The following TMEM132B variants were observed in gnomAD, a reference collection of about 807,000 sequenced individuals.
The protein encoded by TMEM132B is transmembrane protein 132B.
TMEM132B carries 18 observed loss-of-function variants against 90.8 expected under a neutral mutation model. The observed-to-expected ratio is 0.20, with a 90% CI of 0.14 to 0.29. The LOEUF is 0.29. Among genes scored for constraint, TMEM132B ranks in the 10% least tolerant of loss-of-function variants. The probability of loss-of-function intolerance (pLI) is 1.00; values close to 1 mark genes in which losing one functional copy is unlikely to be tolerated. For synonymous variants in TMEM132B, 504 were observed against 523.3 expected, an observed-to-expected ratio of 0.96 and a Z score of 0.50; for missense variants, 1,096 against 1,326.8, an observed-to-expected ratio of 0.83 and a Z score of 2.70.
chr12:125,576,901 G>C (rs377029674), intron 4 of TMEM132B, among the ~76,000 whole-genome samples: 3 of 151,096 alleles, frequency 2.0e-5, no homozygotes, highest in Non-Finnish European at 4.4e-5. Flanking sequence ...TGGCAGGGGG[G>C]TGGGGTTGGC....
chr12:125,276,193 A>G lies in TMEM132B; in HGVS notation c.68-73259A>G, dbSNP rs1016403849. Among the ~76,000 whole-genome samples the G allele has an allele frequency of 1.3e-5, 2 of 152,220 alleles. 1 individual carries two copies. Among genetic ancestry groups the G allele is most frequent in the Admixed American group, 1.3e-4 (2 of 15,286 alleles). On this transcript the variant is annotated intron_variant, in intron 1 of 8. Coordinates refer to ENST00000682704, the MANE Select transcript of TMEM132B (RefSeq NM_001366854.1). ...TAGTTTACATCTGTTGGATATTTGA[A>G]TAAAGGATAAGGAAAAACAGACAAA...
intron 4 of TMEM132B, among the ~76,000 whole-genome samples, chr12:125,548,381 G>A (rs1372513993): frequency 6.6e-6 from 1 of 151,806 alleles, no homozygotes; most frequent in Non-Finnish European, 1.5e-5. Context: ...CTATAGTGAT[G>A]ACCACAACTC....
intron 2 of TMEM132B, among the ~76,000 whole-genome samples, chr12:125,389,833 A>G (rs1022032126): frequency 6.6e-6 from 1 of 152,206 alleles, no homozygotes; most frequent in South Asian, 2.1e-4. Context: ...TCATAGCCCT[A>G]TGGTACCTTG....
intron 1 of TMEM132B, among the ~76,000 whole-genome samples, chr12:125,294,020 T>C (rs10846863): frequency 0.31 from 46,636 of 152,144 alleles, 7,478 homozygotes; most frequent in East Asian, 0.54. Flanking sequence ...AACCCAGCCT[T>C]GCAGCCAGCA....
chr12:125,598,159 A>T (rs982601404), intron 5 of TMEM132B, among the ~76,000 whole-genome samples: 1 of 152,228 alleles, frequency 6.6e-6, no homozygotes, highest in Non-Finnish European at 1.5e-5. Flanking sequence ...ATAGCACTGC[A>T]TAAACAAACT....
chr12:125,227,712 CCTTGCCATT>C (rs1421006267), intron 1 of TMEM132B, among the ~76,000 whole-genome samples: 2 of 152,176 alleles, frequency 1.3e-5, no homozygotes. Flanking sequence ...GCCCTCACCC[CCTTGCCATT>C]CTTGTGCAGG....
At chr12:125,299,773 T>A (rs1331277602) in intron 1 of TMEM132B, among the ~76,000 whole-genome samples, 2 of 152,194 alleles carry the variant, frequency 1.3e-5, no homozygotes, top group Non-Finnish European at 2.9e-5. Context: ...ATGCCCAGAA[T>A]CTGTACTCTT....
chr12:125,279,934 T>C (rs1875112158), intron 1 of TMEM132B, among the ~76,000 whole-genome samples: 1 of 152,254 alleles, frequency 6.6e-6, no homozygotes, highest in Non-Finnish European at 1.5e-5. Context: ...TGCCAGGTGC[T>C]GTTTTAACAC....
At chr12:125,393,324 G>A (rs138803952) in intron 2 of TMEM132B, among the ~76,000 whole-genome samples, 58 of 152,264 alleles carry the variant, frequency 3.8e-4, no homozygotes, top group African/African-American at 1.4e-3. Context: ...CTACTGTTAT[G>A]GGTCTTAACT....
chr12:125,314,103 C>T (rs1876193643), intron 1 of TMEM132B, among the ~76,000 whole-genome samples: 1 of 152,106 alleles, frequency 6.6e-6, no homozygotes, highest in Non-Finnish European at 1.5e-5. Context: ...TCATGTATAC[C>T]TGTGTGCAGA....
At chr12:125,390,195 A>C (rs1878968312) in intron 2 of TMEM132B, among the ~76,000 whole-genome samples, 1 of 152,266 alleles carries the variant, frequency 6.6e-6, no homozygotes, top group South Asian at 2.1e-4. Context: ...AAGAATGCTT[A>C]TAGTGGCATT....
At chr12:125,471,138 C>G (rs963488697) in intron 3 of TMEM132B, among the ~76,000 whole-genome samples, 1 of 152,218 alleles carries the variant, frequency 6.6e-6, no homozygotes, top group Non-Finnish European at 1.5e-5. Context: ...TCAATCATTC[C>G]AGCCTGTCTG....
At position 125,576,577 on chromosome 12, in the gene TMEM132B, C is replaced by T. The variant is rs149945306; in HGVS notation, c.1294-7274C>T. Among the ~76,000 whole-genome samples, 60 of 151,094 alleles carry T rather than the reference C, an allele frequency of 4.0e-4. No homozygotes were observed. In the East Asian group the frequency reaches 0.01, roughly 25 times the overall value. On this transcript the variant is annotated intron_variant, in intron 4 of 8. Coordinates refer to ENST00000682704, the MANE Select transcript of TMEM132B (RefSeq NM_001366854.1). ...CTTAAGAAAGCTTACAGTCTTTTAC[C>T]ACTGTGATATTAGCTGTATGTTCTC...
intron 5 of TMEM132B, among the ~76,000 whole-genome samples, chr12:125,594,616 A>G (rs1434421819): frequency 2.0e-5 from 3 of 152,186 alleles, no homozygotes; most frequent in Admixed American, 6.5e-5. Context: ...TTTAATTTGC[A>G]TATCCCTAGC....
intron 4 of TMEM132B, among the ~76,000 whole-genome samples, chr12:125,581,657 G>A (rs1158793919): frequency 6.6e-6 from 1 of 151,836 alleles, no homozygotes. Flanking sequence ...AAGGAAGAGG[G>A]ATGCTCATTA....
intron 4 of TMEM132B, among the ~76,000 whole-genome samples, chr12:125,556,640 G>T (rs1425321408): frequency 1.3e-5 from 2 of 152,188 alleles, no homozygotes; most frequent in Non-Finnish European, 2.9e-5. Context: ...GATATCTGGA[G>T]GTTGTTTCAG....
At chr12:125,226,035 T>C (rs1253628784) in intron 1 of TMEM132B, among the ~76,000 whole-genome samples, 1 of 152,370 alleles carries the variant, frequency 6.6e-6, no homozygotes, top group African/African-American at 2.4e-5. Flanking sequence ...ATTTGCACTA[T>C]TTCTAGTCTT....
rs1879588119 is a variant in TMEM132B, at chr12:125,408,692, G to A, written c.960-6839G>A. Among the ~76,000 whole-genome samples, 1 of 152,226 alleles carries A rather than the reference G, an allele frequency of 6.6e-6. No individual in the cohort carries two copies. Among genetic ancestry groups the A allele is most frequent in the South Asian group, 2.1e-4 (1 of 4,830 alleles). ...CTGTCGTGCACCTTCTTGTATGTGT[G>A]TCTTGGGGAACAGGTGCATGTGTTT... On this transcript the variant is annotated intron_variant, in intron 2 of 8. Coordinates refer to ENST00000682704, the MANE Select transcript of TMEM132B (RefSeq NM_001366854.1). The surrounding 1 kb of genome is among the most constrained non-coding windows in gnomAD (Gnocchi z 5.9).
At chr12:125,220,372 G>T (rs1040285531) in intron 1 of TMEM132B, among the ~76,000 whole-genome samples, 7 of 152,208 alleles carry the variant, frequency 4.6e-5, no homozygotes, top group Non-Finnish European at 1.0e-4. Flanking sequence ...CTGGAGACAC[G>T]TAACAAAGTC....
Sources: allele counts gnomAD v4.1 joint callset (sites outside exome capture counted in the v4.1 genomes callset), GRCh38; gene constraint gnomAD v4.1.1; non-coding constraint Gnocchi (gnomAD v3.1); transcripts MANE v1.5; gene names NCBI Gene and HGNC (gene_info 2026-07-23, HGNC 2026-07-21).